ZPBP: variants seen among roughly 807,000 people sequenced by gnomAD.
ZPBP encodes the protein zona pellucida binding protein.
ZPBP carries 26 observed loss-of-function variants against 44.8 expected under a neutral mutation model. The ratio of observed to expected loss-of-function variants is 0.58; its 90% CI spans 0.43 to 0.81. ZPBP has a LOEUF of 0.81. ZPBP is among the 30% of genes least tolerant of loss of function. The probability of loss-of-function intolerance (pLI) is 0.00; values close to 1 mark genes in which losing one functional copy is unlikely to be tolerated. For synonymous variants in ZPBP, 174 were observed against 153.2 expected (o/e 1.14, Z -1.00); for missense variants, 409 against 434.0 (o/e 0.94, Z 0.51).
At chr7:50,074,846 C>A (rs1352313378) in intron 3 of ZPBP, among the ~76,000 whole-genome samples, 1 of 151,786 alleles carries the variant, frequency 6.6e-6, no homozygotes, top group East Asian at 1.9e-4. Flanking sequence ...CCACTTTCAG[C>A]ATTAGACAGA....
intron 1 of ZPBP, among the ~76,000 whole-genome samples, chr7:49,924,081 CCATTGCA>C (rs1183264704): frequency 2.6e-5 from 4 of 151,796 alleles, no homozygotes; most frequent in African/African-American, 9.7e-5. Flanking sequence ...CAAGATCGTG[CCATTGCA>C]CTCCAGCCTA....
intron 2 of ZPBP, among the ~76,000 whole-genome samples, chr7:49,889,852 C>T (rs1278499932): frequency 1.3e-5 from 2 of 152,142 alleles, no homozygotes; most frequent in Non-Finnish European, 2.9e-5. Flanking sequence ...CCGTCATTCA[C>T]GCTTGCAATT....
chr7:50,092,184 C>T (rs1365434335), intron 1 of ZPBP, among the ~76,000 whole-genome samples: 2 of 152,164 alleles, frequency 1.3e-5, no homozygotes, highest in East Asian at 3.8e-4. Flanking sequence ...ACCTAATACA[C>T]GACCACGACC....
At chr7:49,920,765 C>T (rs551214000) in intron 1 of ZPBP, 1 of 152,056 alleles carries the variant, frequency 6.6e-6, no homozygotes, top group East Asian at 1.9e-4. Flanking sequence ...ATTCCATAAA[C>T]TCAGTATTTG....
At chr7:49,951,416 C>A (rs1347623096) in intron 7 of ZPBP, among the ~76,000 whole-genome samples, 2 of 151,308 alleles carry the variant, frequency 1.3e-5, no homozygotes. Flanking sequence ...GACATTTCTC[C>A]AAAAAAGATA....
At chr7:50,089,973 C>T (rs1317738578) in intron 1 of ZPBP, among the ~76,000 whole-genome samples, 6 of 152,046 alleles carry the variant, frequency 3.9e-5, no homozygotes, top group African/African-American at 1.4e-4. Context: ...TTCAAATCTC[C>T]CACCATTCAA....
the ZPBP span, among the ~76,000 whole-genome samples, chr7:49,844,942 C>T: frequency 1.3e-5 from 2 of 152,196 alleles, no homozygotes; most frequent in South Asian, 4.1e-4. Context: ...CTTGGCCTCC[C>T]AAAGTGCTGG....
intron 2 of ZPBP, among the ~76,000 whole-genome samples, chr7:49,877,507 T>TATATATAGATATAG (rs1791485469): frequency 2.2e-5 from 2 of 90,318 alleles, no homozygotes; most frequent in Admixed American, 1.2e-4. Flanking sequence ...TATATATATA[T>TATATATAGATATAG]ATATATATAT....
downstream of ZPBP, among the ~76,000 whole-genome samples, chr7:49,849,435 G>A (rs1424485491): frequency 6.6e-6 from 1 of 152,194 alleles, no homozygotes; most frequent in Non-Finnish European, 1.5e-5. Flanking sequence ...GCTCTGCTGG[G>A]AGCAGACTGT....
chr7:50,010,298 A>C (rs1798510648), intron 6 of ZPBP, among the ~76,000 whole-genome samples: 1 of 152,096 alleles, frequency 6.6e-6, no homozygotes, highest in Non-Finnish European at 1.5e-5. Context: ...AGAATAAAGA[A>C]CCCAAAAATA....
At chr7:49,882,199 T>C (rs1791697297) in intron 2 of ZPBP, among the ~76,000 whole-genome samples, 1 of 152,158 alleles carries the variant, frequency 6.6e-6, no homozygotes, top group Non-Finnish European at 1.5e-5. Flanking sequence ...AGAACAAAAC[T>C]AGTGGAAGTA....
chr7:49,981,022 A>C (rs935541259), intron 7 of ZPBP, among the ~76,000 whole-genome samples: 2 of 150,650 alleles, frequency 1.3e-5, no homozygotes, highest in African/African-American at 4.9e-5. Context: ...TAAATATATG[A>C]ACTTTCACAA....
chr7:49,903,544 A>T (rs896634081), intron 1 of ZPBP, among the ~76,000 whole-genome samples: 1 of 152,236 alleles, frequency 6.6e-6, no homozygotes, highest in African/African-American at 2.4e-5. Context: ...ATAATAAAAC[A>T]ATAGATATGG....
At position 49,869,888 on chromosome 7, in the gene ZPBP, G is replaced by C. The variant is rs193224082; in HGVS notation, n.510-19374C>G. ...TCAGAAAAGAATGGATTAACAAACT[G>C]TGGCCTATTCATACAGCAGATGTCA... On this transcript the variant is annotated intron_variant and non_coding_transcript_variant, in intron 2 of 2. Coordinates refer to the ZPBP transcript ENST00000465922. Among the ~76,000 whole-genome samples, 9 of 152,234 alleles carry C rather than the reference G, an allele frequency of 5.9e-5. No individual in the cohort carries two copies. In the South Asian group the frequency reaches 1.7e-3, roughly 28 times the overall value.
chr7:49,931,562 C>T (rs1425859444), intron 1 of ZPBP, among the ~76,000 whole-genome samples: 1 of 152,076 alleles, frequency 6.6e-6, no homozygotes, highest in Non-Finnish European at 1.5e-5. Flanking sequence ...TTTACGGTAC[C>T]CAGTGGAAGA....
At chr7:50,006,312 A>T (rs1798309738) in intron 6 of ZPBP, among the ~76,000 whole-genome samples, 1 of 152,052 alleles carries the variant, frequency 6.6e-6, no homozygotes, top group Non-Finnish European at 1.5e-5. Flanking sequence ...AATATGACAA[A>T]ATACTTTTTC....
chr7:49,957,086 G>A (rs951511286), intron 7 of ZPBP, among the ~76,000 whole-genome samples: 2 of 152,070 alleles, frequency 1.3e-5, no homozygotes, highest in African/African-American at 4.8e-5. Flanking sequence ...TGGCCCCTTT[G>A]TCTCTGTTTC....
At chr7:50,071,108 T>A (rs1158586140) in intron 3 of ZPBP, among the ~76,000 whole-genome samples, 1 of 152,174 alleles carries the variant, frequency 6.6e-6, no homozygotes, top group Non-Finnish European at 1.5e-5. Flanking sequence ...AAAGACTTTT[T>A]AAAAATCCAA....
At chr7:49,939,090 C>T (rs1331580577) in intron 7 of ZPBP, among the ~76,000 whole-genome samples, 1 of 152,074 alleles carries the variant, frequency 6.6e-6, no homozygotes, top group Non-Finnish European at 1.5e-5. Context: ...TGGTAATGTA[C>T]ACAGTAAGCT....
Sources: gnomAD v4.1 joint callset for allele counts (sites outside exome capture counted in the v4.1 genomes callset) on GRCh38, gnomAD v4.1.1 for gene constraint, MANE v1.5 for transcripts, NCBI Gene and HGNC (gene_info 2026-07-23, HGNC 2026-07-21) for gene names.